The following GFPT1 variants were observed in gnomAD, a reference collection of about 807,000 sequenced individuals.
GFPT1 encodes glutamine--fructose-6-phosphate aminotransferase [isomerizing] 1.
Under a neutral mutation model 92.0 loss-of-function variants are expected in GFPT1, and 40 were observed. The ratio of observed to expected loss-of-function variants is 0.43; its 90% CI spans 0.34 to 0.57. The LOEUF (loss-of-function observed/expected upper bound fraction) is 0.57, where lower values mean the gene tolerates loss of function less well. Ranked by LOEUF, GFPT1 falls within the 20% of genes least tolerant of loss-of-function variation. GFPT1 has a pLI of 0.02. For synonymous variants in GFPT1, 269 were observed against 280.6 expected, an observed-to-expected ratio of 0.96 and a Z score of 0.41; for missense variants, 448 against 869.1, an observed-to-expected ratio of 0.52 and a Z score of 6.09.
chr2:69,383,957 A>C (rs1489399463), intron 1 of GFPT1, among the ~76,000 whole-genome samples: 6 of 152,242 alleles, frequency 3.9e-5, no homozygotes, highest in Non-Finnish European at 7.3e-5. Context: ...ACACCGTCGA[A>C]TCAGAAGGGT....
At chr2:69,341,441 A>G (rs1670950168) in intron 13 of GFPT1, among the ~76,000 whole-genome samples, 1 of 152,148 alleles carries the variant, frequency 6.6e-6, no homozygotes, top group South Asian at 2.1e-4. Flanking sequence ...CTCCTAATAA[A>G]TATTTATGCC....
chr2:69,376,084 T>G (rs1002477821), intron 1 of GFPT1, among the ~76,000 whole-genome samples: 1 of 152,200 alleles, frequency 6.6e-6, no homozygotes, highest in Non-Finnish European at 1.5e-5. Context: ...AAATCAAACT[T>G]TGCACTCTTC....
At chr2:69,363,340 G>T (rs955948797) in intron 4 of GFPT1, among the ~76,000 whole-genome samples, 2 of 152,072 alleles carry the variant, frequency 1.3e-5, no homozygotes. Flanking sequence ...CTGGACTCAA[G>T]CAATCCTCCC....
At chr2:69,341,125 A>AT (rs199998548) in intron 13 of GFPT1, among the ~76,000 whole-genome samples, 1,986 of 145,116 alleles carry the variant, frequency 0.014, 45 homozygotes, top group African/African-American at 0.045. Context: ...CACCCCGATA[A>AT]TTTTTTTTTT....
chr2:69,383,357 T>C (rs947571870), intron 1 of GFPT1, among the ~76,000 whole-genome samples: 5 of 152,184 alleles, frequency 3.3e-5, no homozygotes, highest in Middle Eastern at 3.2e-3. Flanking sequence ...CAGGGGACAA[T>C]TGAAGAAATG....
At chr2:69,381,031 G>A (rs1671996452) in intron 1 of GFPT1, among the ~76,000 whole-genome samples, 1 of 151,690 alleles carries the variant, frequency 6.6e-6, no homozygotes, top group Non-Finnish European at 1.5e-5. Flanking sequence ...CCAGGCTGGA[G>A]GGCAGTGGCG....
At chr2:69,348,134 T>TAAGGACAGCAAGCTATAACATGAC (rs1202216031) in intron 11 of GFPT1, 37 bp downstream of exon 11, 1 of 1,509,684 alleles carries the variant, frequency 6.6e-7, no homozygotes, top group Non-Finnish European at 9.2e-7. Flanking sequence ...TTCTTTCCAG[T>TAAGGACAGCAAGCTATAACATGAC]AAGGACAGCA....
rs946524731 is a variant in GFPT1 at position 69,387,153 on chromosome 2, C to G, written c.-82G>C. 6.9e-7 allele frequency: 1 copy of G among 1,456,866 alleles called. No homozygotes were observed. The allele number at this position is 1,456,866 out of a possible 1,614,324, so 90.2% of individuals were successfully genotyped here. A position where few individuals can be genotyped will look rare whatever the true frequency, so the allele number is the denominator to read the frequency against. On this transcript the variant is annotated 5_prime_UTR_variant, in exon 1 of 20. Coordinates refer to ENST00000357308, the MANE Select transcript of GFPT1 (RefSeq NM_001244710.2). ...GCACACACGAGCTTCGGTGGGCAAT[C>G]TGCGGGCTCGGGGGCCGGGGTGGCG...
intron 1 of GFPT1, among the ~76,000 whole-genome samples, chr2:69,377,772 G>C (rs1671912747): frequency 6.6e-6 from 1 of 152,220 alleles, no homozygotes; most frequent in Non-Finnish European, 1.5e-5. Flanking sequence ...GAACCTGTCA[G>C]TTTCATAGCC....
intron 1 of GFPT1, among the ~76,000 whole-genome samples, chr2:69,385,036 T>G (rs935992382): frequency 2.6e-5 from 4 of 152,180 alleles, no homozygotes; most frequent in Non-Finnish European, 5.9e-5. Flanking sequence ...AACCGTGGTA[T>G]GACTTAAAAG....
At chr2:69,366,648 A>G (rs1558769989) in intron 3 of GFPT1, among the ~76,000 whole-genome samples, 1 of 152,134 alleles carries the variant, frequency 6.6e-6, no homozygotes. Context: ...ATAAAGCTCA[A>G]TCCTACCTGC....
At chr2:69,357,684 A>G (rs1444011040) in intron 6 of GFPT1, among the ~76,000 whole-genome samples, 1 of 152,180 alleles carries the variant, frequency 6.6e-6, no homozygotes, top group African/African-American at 2.4e-5. Context: ...AGCTAGAGTT[A>G]TGAGTGGGGA....
intron 12 of GFPT1, among the ~76,000 whole-genome samples, chr2:69,343,884 A>G (rs906149793): frequency 1.3e-5 from 2 of 152,210 alleles, no homozygotes; most frequent in Non-Finnish European, 2.9e-5. Flanking sequence ...AACAAAATAA[A>G]AAGTGTCACT....
chr2:69,387,144 G>A lies in GFPT1; in HGVS notation c.-73C>T. Reference sequence around the variant, plus strand: ...ATCGGGGGTGCACACACGAGCTTCGGTGGGCAATCTGCGGGCTCGGGGGCC... The same window carrying A: ...ATCGGGGGTGCACACACGAGCTTCGATGGGCAATCTGCGGGCTCGGGGGCC... On this transcript the variant is annotated 5_prime_UTR_variant, in exon 1 of 20. Coordinates refer to ENST00000357308, the MANE Select transcript of GFPT1 (RefSeq NM_001244710.2). 6.8e-7 allele frequency: 1 copy of A among 1,476,392 alleles called. No individual in the cohort carries two copies. The highest frequency in any genetic ancestry group is 9.0e-7 in the Non-Finnish European group (1 of 1,115,600). 91.5% of individuals were successfully genotyped at this position (1,476,392 alleles called of 1,614,324 possible).
chr2:69,351,389 G>A (rs1366133853), intron 9 of GFPT1, among the ~76,000 whole-genome samples: 1 of 152,100 alleles, frequency 6.6e-6, no homozygotes, highest in Non-Finnish European at 1.5e-5. Flanking sequence ...TTTCTTCAAG[G>A]CCAGGACATA....
intron 1 of GFPT1, among the ~76,000 whole-genome samples, chr2:69,375,152 A>C (rs905568397): frequency 1.4e-4 from 21 of 152,224 alleles, no homozygotes; most frequent in African/African-American, 5.1e-4. Flanking sequence ...GAGGTTTTCC[A>C]TGGCTGTGCT....
chr2:69,325,382 A>G lies in GFPT1; in HGVS notation c.*807T>C, dbSNP rs542227226. Reference sequence around the variant, plus strand: ...AATAAAAGACTACAGATACAAGGAAATAAAAACCACTTTTAGGAGATGAAA... The same window carrying G: ...AATAAAAGACTACAGATACAAGGAAGTAAAAACCACTTTTAGGAGATGAAA... On this transcript the variant is annotated 3_prime_UTR_variant, in exon 20 of 20. Transcript: ENST00000357308. 1 of 152,312 alleles carries G rather than the reference A, an allele frequency of 6.6e-6. No individual in the cohort carries two copies. The highest frequency in any genetic ancestry group is 1.9e-4 in the East Asian group (1 of 5,192). 9.4% of individuals were successfully genotyped at this position (152,312 alleles called of 1,614,324 possible).
chr2:69,350,874 C>T (rs1305120116), intron 9 of GFPT1, among the ~76,000 whole-genome samples: 1 of 148,942 alleles, frequency 6.7e-6, no homozygotes, highest in Non-Finnish European at 1.5e-5. Flanking sequence ...CATTGTACTC[C>T]AGCCTGGGCA....
chr2:69,332,221 C>T (rs1670679604), intron 15 of GFPT1, among the ~76,000 whole-genome samples: 1 of 151,064 alleles, frequency 6.6e-6, no homozygotes, highest in African/African-American at 2.4e-5. Flanking sequence ...GAATTTAATG[C>T]TATTTCCCTC....
Sources: gnomAD v4.1 joint callset for allele counts (sites outside exome capture counted in the v4.1 genomes callset) on GRCh38, gnomAD v4.1.1 for gene constraint, MANE v1.5 for transcripts, NCBI Gene and HGNC (gene_info 2026-07-23, HGNC 2026-07-21) for gene names.